NTM: variants seen among roughly 807,000 people sequenced by gnomAD.
NTM encodes IgLON family member 2.
NTM carries 13 observed loss-of-function variants against 42.1 expected under a neutral mutation model. That is an observed-to-expected ratio of 0.31 (90% CI 0.20 to 0.49). The LOEUF (loss-of-function observed/expected upper bound fraction) is 0.49. NTM is among the 20% of genes least tolerant of loss of function. NTM has a pLI of 0.99. For synonymous variants in NTM, 187 were observed against 179.2 expected, an observed-to-expected ratio of 1.04 and a Z score of -0.35; for missense variants, 373 against 452.8, an observed-to-expected ratio of 0.82 and a Z score of 1.60.
intron 2 of NTM, among the ~76,000 whole-genome samples, chr11:131,987,727 C>T (rs1366254113): frequency 6.6e-6 from 1 of 152,128 alleles, no homozygotes; most frequent in Non-Finnish European, 1.5e-5. Flanking sequence ...ATCAAATAAT[C>T]CAAATGCTCT....
At chr11:131,507,152 T>C (rs958607313) in intron 1 of NTM, among the ~76,000 whole-genome samples, 2 of 152,212 alleles carry the variant, frequency 1.3e-5, no homozygotes, top group Non-Finnish European at 2.9e-5. Flanking sequence ...AAAAATAACA[T>C]GGCAGGCCTT....
intron 1 of NTM, among the ~76,000 whole-genome samples, chr11:131,897,830 A>G (rs375281918): frequency 7.2e-5 from 11 of 152,292 alleles, no homozygotes; most frequent in African/African-American, 2.6e-4. Flanking sequence ...TTATGAGGGG[A>G]GAGTTTTTAA....
rs557029597 is a variant in NTM, at chr11:131,614,018, G to A, written c.82+243130G>A. The stretch of plus-strand genomic sequence containing the variant: ...CCTGCTCTGCAGAAAACCTCAAATA[G>A]TGGTGTCATAGAAGGACTTATGAGT... On this transcript the variant is annotated intron_variant, in intron 1 of 8. Coordinates refer to ENST00000683400, the MANE Select transcript of NTM (RefSeq NM_001352005.2). Among the ~76,000 whole-genome samples the A allele has an allele frequency of 6.6e-5, 10 of 152,304 alleles. No individual in the cohort carries two copies. The South Asian group carries it at 1.9e-3, about 28-fold the overall frequency.
intron 1 of NTM, among the ~76,000 whole-genome samples, chr11:131,595,948 T>C (rs1394384128): frequency 3.9e-5 from 6 of 152,228 alleles, no homozygotes; most frequent in Non-Finnish European, 7.3e-5. Context: ...CATGCCTGGA[T>C]TGATTGACAT....
chr11:131,436,221 T>G (rs1167613663), intron 1 of NTM, among the ~76,000 whole-genome samples: 2 of 152,230 alleles, frequency 1.3e-5, no homozygotes, highest in Non-Finnish European at 2.9e-5. Context: ...GCATTGATGT[T>G]CATCAGGGAT....
chr11:131,896,001 TATTTA>T (rs1157165303), intron 1 of NTM, among the ~76,000 whole-genome samples: 1 of 152,164 alleles, frequency 6.6e-6, no homozygotes, highest in African/African-American at 2.4e-5. Flanking sequence ...AGACTAACAC[TATTTA>T]ATTAACTTGG....
At chr11:131,506,830 G>A (rs927090502) in intron 1 of NTM, among the ~76,000 whole-genome samples, 3 of 152,210 alleles carry the variant, frequency 2.0e-5, no homozygotes, top group African/African-American at 7.2e-5. Flanking sequence ...CCAAAAGCAG[G>A]TACCTCTGTC....
chr11:132,210,811 C>T (rs1303184727), intron 3 of NTM, among the ~76,000 whole-genome samples: 1 of 152,144 alleles, frequency 6.6e-6, no homozygotes, highest in Non-Finnish European at 1.5e-5. Flanking sequence ...AAAATAAGCA[C>T]ATGGAGGAGC....
intron 1 of NTM, among the ~76,000 whole-genome samples, chr11:131,526,025 C>A (rs1453544773): frequency 6.6e-6 from 1 of 152,172 alleles, no homozygotes; most frequent in Non-Finnish European, 1.5e-5. Flanking sequence ...ATTTATCAAG[C>A]ATCCATTGTA....
At chr11:131,550,336 C>G (rs1257495090) in intron 1 of NTM, among the ~76,000 whole-genome samples, 1 of 152,128 alleles carries the variant, frequency 6.6e-6, no homozygotes, top group Non-Finnish European at 1.5e-5. Context: ...GTCCTGGTGA[C>G]AGGGTTTGAG....
chr11:131,575,174 A>G (rs986092772), intron 1 of NTM, among the ~76,000 whole-genome samples: 4 of 125,318 alleles, frequency 3.2e-5, no homozygotes, highest in Admixed American at 8.2e-5. Flanking sequence ...AAAGAGTCAC[A>G]GTGAACTTCA....
At chr11:131,771,411 T>A (rs971429548) in intron 1 of NTM, 5 of 152,208 alleles carry the variant, frequency 3.3e-5, no homozygotes, top group Non-Finnish European at 5.9e-5. Context: ...ATATTGTGGC[T>A]AATACCACAA....
chr11:131,789,634 GAAAAGAAGAAGAAGAA>G (rs2090461896), intron 1 of NTM, among the ~76,000 whole-genome samples: 1 of 33,828 alleles, frequency 3.0e-5, no homozygotes. Context: ...AGAAGAAGAA[GAAAAGAAGAAGAAGAA>G]GAAGAAGAAG....
In NTM at chr11:131,512,567, C is replaced by A. The variant is rs182451183; in HGVS notation, c.82+141679C>A. Among the ~76,000 whole-genome samples the A allele has an allele frequency of 2.6e-4, 39 of 152,350 alleles. No homozygotes were observed. In the East Asian group the frequency reaches 6.8e-3, roughly 27 times the overall value. On this transcript the variant is annotated intron_variant, in intron 1 of 8. Transcript: ENST00000683400. ...ATGCCAGGGCTGTGCTCCTCCCTCT[C>A]TACTGCCCTCAGTTTCTCTCAGCTA...
intron 1 of NTM, among the ~76,000 whole-genome samples, chr11:131,494,170 CTA>C (rs949088632): frequency 6.6e-6 from 1 of 152,086 alleles, no homozygotes; most frequent in Non-Finnish European, 1.5e-5. Flanking sequence ...CAAATTGTTA[CTA>C]TTGTTATTAT....
intron 4 of NTM, among the ~76,000 whole-genome samples, chr11:132,238,648 C>A (rs991115043): frequency 2.6e-5 from 4 of 152,086 alleles, no homozygotes; most frequent in Non-Finnish European, 5.9e-5. Context: ...TGCGTGTGGA[C>A]TCGCGGAGCT....
At position 131,772,974 on chromosome 11, in the gene NTM, A is replaced by G. The variant is rs561600136; in HGVS notation, c.83-138590A>G. On this transcript the variant is annotated intron_variant, in intron 1 of 8. Coordinates refer to ENST00000683400, the MANE Select transcript of NTM (RefSeq NM_001352005.2). ...GAGAAGAGACATTTATGGCTGCGAC[A>G]TCATCCACAATATGTTTGTAGAACT... Among the ~76,000 whole-genome samples the G allele has an allele frequency of 1.2e-3, 178 of 152,378 alleles. 1 individual carries two copies. The highest frequency in any genetic ancestry group is 3.5e-3 in the African/African-American group (145 of 41,596).
chr11:131,793,106 C>T (rs1303308626), intron 1 of NTM, among the ~76,000 whole-genome samples: 3 of 152,080 alleles, frequency 2.0e-5, no homozygotes, highest in East Asian at 1.9e-4. Context: ...TTTCCATGAT[C>T]GATCTACATA....
chr11:132,136,535 C>T (rs1218926223), intron 2 of NTM, among the ~76,000 whole-genome samples: 3 of 152,310 alleles, frequency 2.0e-5, no homozygotes, highest in African/African-American at 4.8e-5. Flanking sequence ...CACTCCCTCC[C>T]ACCACACATG....
Sources: gnomAD v4.1 joint callset for allele counts (sites outside exome capture counted in the v4.1 genomes callset) on GRCh38, gnomAD v4.1.1 for gene constraint, MANE v1.5 for transcripts, NCBI Gene and HGNC (gene_info 2026-07-23, HGNC 2026-07-21) for gene names.